The following MMP8 variants were observed in gnomAD, a reference collection of about 807,000 sequenced individuals.
The protein encoded by MMP8 is matrix metallopeptidase 8.
Under a neutral mutation model 51.2 loss-of-function variants are expected in MMP8, and 67 were observed. The ratio of observed to expected loss-of-function variants is 1.31; its 90% CI spans 1.08 to 1.60. MMP8 has a LOEUF of 1.60. Ranked by LOEUF, MMP8 falls within the 40% of genes most tolerant of loss-of-function variation. The pLI is 0.00. For synonymous variants in MMP8, 225 were observed against 191.0 expected (o/e 1.18, Z -1.47); for missense variants, 654 against 558.1 (o/e 1.17, Z -1.73).
rs1453440110 is a variant in MMP8 at position 102,715,431 on chromosome 11, G to A, written c.909C>T (p.Phe303=). The change falls in exon 7 of 10, where the codon TTC becomes TTT. Residue 303 remains phenylalanine, a synonymous_variant. Coordinates refer to ENST00000236826, the MANE Select transcript of MMP8 (RefSeq NM_002424.3). ...GEILFFKDRY[F]WRRHPQLQRV... is the part of the protein sequence containing the mutation. ...TTTGTAGCTGAGGATGCCTTCTCCA[G>A]AAGTACCTAACGGAACATAAGGAAA... 6.2e-7 allele frequency: 1 copy of A among 1,612,290 alleles called. No individual in the cohort carries two copies. Among genetic ancestry groups the A allele is most frequent in the Non-Finnish European group, 8.5e-7 (1 of 1,179,276 alleles).
intron 1 of MMP8, 75 bp from the exon 2 acceptor site, chr11:102,722,748 T>C: frequency 6.4e-7 from 1 of 1,568,914 alleles, no homozygotes; most frequent in Non-Finnish European, 8.6e-7. Flanking sequence ...CAACCCTTTC[T>C]AAGTTACTAC....
intron 5 of MMP8, 49 bp downstream of exon 5, chr11:102,718,365 C>T: frequency 6.4e-7 from 1 of 1,550,992 alleles, no homozygotes; most frequent in Non-Finnish European, 8.8e-7. Flanking sequence ...GAGTGTTCGC[C>T]TATTCCCAGG....
chr11:102,722,071 C>T (rs1022609043), intron 2 of MMP8, among the ~76,000 whole-genome samples: 2 of 151,770 alleles, frequency 1.3e-5, no homozygotes. Flanking sequence ...AATAATATTC[C>T]ACAAATATTA....
intron 7 of MMP8, 30 bp from the exon 8 acceptor site, chr11:102,714,739 A>G (rs1861230577): frequency 7.5e-7 from 1 of 1,333,790 alleles, no homozygotes; most frequent in East Asian, 3.3e-5. Context: ...AGTGTTAAAT[A>G]CGACTTTTCC....
At chr11:102,721,129 G>A (rs1318604019) in intron 4 of MMP8, among the ~76,000 whole-genome samples, 1 of 152,166 alleles carries the variant, frequency 6.6e-6, no homozygotes, top group Non-Finnish European at 1.5e-5. Flanking sequence ...TATACAGACA[G>A]GGGTCAGGCA....
At chr11:102,721,254 T>C in intron 4 of MMP8, 147 bp downstream of exon 4, 1 of 1,122,188 alleles carries the variant, frequency 8.9e-7, no homozygotes. Flanking sequence ...TGACTTAGTA[T>C]CATGAGGTAG....
At chr11:102,722,928 G>A in intron 1 of MMP8, 4 of 1,176,204 alleles carry the variant, frequency 3.4e-6, no homozygotes, top group Non-Finnish European at 4.7e-6. Flanking sequence ...CATCACACAG[G>A]CAAAGTGCTA....
chr11:102,723,456 T>C (rs896771246), intron 1 of MMP8: 5 of 448,594 alleles, frequency 1.1e-5, no homozygotes, highest in Admixed American at 9.8e-5. Flanking sequence ...AACTTATACA[T>C]AAAAGGGGCT....
intron 5 of MMP8, among the ~76,000 whole-genome samples, chr11:102,718,130 T>C (rs1861356830): frequency 6.6e-6 from 1 of 151,452 alleles, no homozygotes; most frequent in Admixed American, 6.6e-5. Context: ...AATTTAAAAT[T>C]GGAAATTTGG....
intron 4 of MMP8, among the ~76,000 whole-genome samples, chr11:102,718,860 G>A (rs1313286585): frequency 6.6e-6 from 1 of 152,188 alleles, no homozygotes; most frequent in Non-Finnish European, 1.5e-5. Context: ...GTGCATCTGA[G>A]ACTTGGAGAA....
At chr11:102,714,762 T>TTATATATATATATATATATATA (rs58774554) in intron 7 of MMP8, 53 bp from the exon 8 acceptor site, 1 of 173,922 alleles carries the variant, frequency 5.7e-6, no homozygotes, top group Non-Finnish European at 1.0e-5. Context: ...TTTTACAAAA[T>TTATATATATATATATATATATA]TATATATATA....
Position 102,722,507 on chromosome 11 carries a change from C to T in MMP8, c.269G>A (p.Arg90His), listed in dbSNP as rs772560267. ...EETLDMMKKPRCGVPDSGGFM... is the reference protein window; with the variant it reads ...EETLDMMKKPHCGVPDSGGFM... ...ACCACCACTGTCAGGCACTCCACAGCGAGGCTTTTTCATCATGTCCAGAGT... is the reference window on the plus strand; with the variant it reads ...ACCACCACTGTCAGGCACTCCACAGTGAGGCTTTTTCATCATGTCCAGAGT... Residue 90 changes from arginine (R) to histidine (H), a missense_variant, in exon 2 of 10, where the codon CGC becomes CAC. Arg to His is a conservative substitution (Grantham distance 29). Transcript: ENST00000236826. 4 of 1,613,960 alleles carry T rather than the reference C, an allele frequency of 2.5e-6. No homozygotes were observed. Among genetic ancestry groups the T allele is most frequent in the East Asian group, 4.5e-5 (2 of 44,890 alleles).
chr11:102,718,683 C>T (rs547626647), intron 4 of MMP8, 108 bp from the exon 5 acceptor site: 16 of 1,216,734 alleles, frequency 1.3e-5, no homozygotes, highest in African/African-American at 4.5e-5. Context: ...GGGAAATAGC[C>T]CTTCCCATGG....
Position 102,722,662 on chromosome 11 carries a change from T to C in MMP8, c.114A>G (p.Glu38=). The change falls in exon 2 of 10, where the codon GAA becomes GAG. Residue 38 remains glutamate (E), a synonymous_variant. Coordinates refer to ENST00000236826, the MANE Select transcript of MMP8 (RefSeq NM_002424.3). ...KNTKTVQDYL[E]KFYQLPSNQY... Reference sequence around the variant, plus strand: ...GGTTGCTTGGTAATTGGTAGAACTTTTCCAGGTAGTCCTGGACAAAGACAA... The same window carrying C: ...GGTTGCTTGGTAATTGGTAGAACTTCTCCAGGTAGTCCTGGACAAAGACAA... 1 of 1,613,688 alleles carries C rather than the reference T, an allele frequency of 6.2e-7. No homozygotes were observed. The highest frequency in any genetic ancestry group is 8.5e-7 in the Non-Finnish European group (1 of 1,179,684).
chr11:102,724,929 C>T lies in MMP8; in HGVS notation c.-74G>A, dbSNP rs985528425. On this transcript the variant is annotated 5_prime_UTR_variant, in exon 1 of 10. In the 5' UTR this introduces an upstream ATG that the reference lacks. Transcript: ENST00000236826. ...GGGTAGGGCCCTTCCCTGGCGAGCA[C>T]CCTGACGTTCACAGCATCATGTGTC... 7.2e-6 allele frequency: 11 copies of T among 1,523,240 alleles called. No homozygotes were observed. The highest frequency in any genetic ancestry group is 8.8e-6 in the Non-Finnish European group (10 of 1,130,036). The allele number at this position is 1,523,240 out of a possible 1,614,324, so 94.4% of individuals were successfully genotyped here.
chr11:102,717,978 G>T (rs1861348815), intron 5 of MMP8, among the ~76,000 whole-genome samples: 2 of 152,004 alleles, frequency 1.3e-5, no homozygotes, highest in African/African-American at 4.8e-5. Flanking sequence ...GTGGTGGTGG[G>T]CATCTGTAAT....
chr11:102,723,405 G>C, intron 1 of MMP8: 1 of 402,930 alleles, frequency 2.5e-6, no homozygotes, highest in Admixed American at 2.7e-5. Context: ...CAGTGTCTTA[G>C]TCCATTTTCT....
intron 1 of MMP8, 58 bp downstream of exon 1, chr11:102,724,696 C>A: frequency 1.4e-6 from 2 of 1,425,174 alleles, no homozygotes; most frequent in Non-Finnish European, 9.5e-7. Context: ...AGAAAACAAC[C>A]CACACTATTT....
chr11:102,721,580 A>G (rs1347863019), intron 3 of MMP8, 34 bp downstream of exon 3: 1 of 1,613,408 alleles, frequency 6.2e-7, no homozygotes, highest in African/African-American at 1.3e-5. Context: ...TTAGCCAAAG[A>G]AAGCAAAACT....
Sources: allele counts gnomAD v4.1 joint callset (sites outside exome capture counted in the v4.1 genomes callset), GRCh38; gene constraint gnomAD v4.1.1; transcripts MANE v1.5; gene names NCBI Gene and HGNC (gene_info 2026-07-23, HGNC 2026-07-21).